The following SYN2 variants were observed in gnomAD, a reference collection of about 807,000 sequenced individuals.
SYN2 encodes the protein synapsin-2.
Under a neutral mutation model 50.9 loss-of-function variants are expected in SYN2, and 19 were observed. That is an observed-to-expected ratio of 0.37 (90% CI 0.26 to 0.55). The LOEUF (loss-of-function observed/expected upper bound fraction) is 0.55. Among genes scored for constraint, SYN2 ranks in the 20% least tolerant of loss-of-function variants. SYN2 has a pLI of 0.81. For synonymous variants in SYN2, 255 were observed against 224.9 expected (o/e 1.13, Z -1.20); for missense variants, 587 against 576.4 (o/e 1.02, Z -0.19).
At chr3:12,082,301 C>A (rs2125175044) in intron 1 of SYN2, among the ~76,000 whole-genome samples, 1 of 152,306 alleles carries the variant, frequency 6.6e-6, no homozygotes, top group Admixed American at 6.5e-5. Flanking sequence ...CACATGGACA[C>A]CCTCTGCCTA....
chr3:12,049,068 C>CTTCT (rs1199575026), intron 1 of SYN2, among the ~76,000 whole-genome samples: 5 of 152,116 alleles, frequency 3.3e-5, no homozygotes, highest in Admixed American at 2.6e-4. Context: ...TACATGGACC[C>CTTCT]TTCTTTCTCA....
intron 1 of SYN2, among the ~76,000 whole-genome samples, chr3:12,119,878 C>G (rs1033907554): frequency 1.3e-5 from 2 of 152,140 alleles, no homozygotes; most frequent in Non-Finnish European, 2.9e-5. Context: ...AGTGTCAACC[C>G]CAATGATCTC....
At chr3:12,070,395 G>A (rs570100110) in intron 1 of SYN2, 1 of 531,110 alleles carries the variant, frequency 1.9e-6, no homozygotes, top group Admixed American at 2.0e-5. Context: ...TGGGTGATGA[G>A]GCCCAGAGCA....
At chr3:12,071,924 T>C (rs1284064673) in intron 1 of SYN2, among the ~76,000 whole-genome samples, 1 of 152,242 alleles carries the variant, frequency 6.6e-6, no homozygotes, top group Non-Finnish European at 1.5e-5. Flanking sequence ...TTTGTATTGA[T>C]ACCTGTAAAT....
intron 1 of SYN2, among the ~76,000 whole-genome samples, chr3:12,038,753 A>C (rs560529893): frequency 5.1e-4 from 78 of 152,126 alleles, no homozygotes; most frequent in African/African-American, 1.9e-3. Flanking sequence ...TTGTATATTG[A>C]TTGTGTATCC....
chr3:12,187,092 AGTGCGCCTCTGACGG>A (rs1698356701), intron 11 of SYN2, among the ~76,000 whole-genome samples: 1 of 152,210 alleles, frequency 6.6e-6, no homozygotes, highest in Admixed American at 6.5e-5. Flanking sequence ...TCTGTGAGAG[AGTGCGCCTCTGACGG>A]GGCCGCTCGT....
At chr3:12,070,707 TG>T in intron 1 of SYN2, 2 of 1,014,420 alleles carry the variant, frequency 2.0e-6, no homozygotes, top group Non-Finnish European at 2.9e-6. Flanking sequence ...ACCCTGGAGA[TG>T]GGGTCACTCA....
intron 1 of SYN2, among the ~76,000 whole-genome samples, chr3:12,104,570 CTTT>C (rs796837275): frequency 1.0e-3 from 82 of 81,722 alleles, no homozygotes; most frequent in African/African-American, 3.8e-3. Flanking sequence ...CTTTTCTTTT[CTTT>C]TTTTTTTTTT....
chr3:12,038,377 TA>T (rs550261284), intron 1 of SYN2, among the ~76,000 whole-genome samples: 12 of 152,132 alleles, frequency 7.9e-5, no homozygotes, highest in Admixed American at 6.5e-4. Flanking sequence ...TGTTGTTTTT[TA>T]AAAAAAAACT....
chr3:12,126,178 G>A (rs1346133981), intron 1 of SYN2, among the ~76,000 whole-genome samples: 1 of 152,228 alleles, frequency 6.6e-6, no homozygotes, highest in African/African-American at 2.4e-5. Flanking sequence ...AGAGAGTACT[G>A]TCAAGGTTTC....
intron 1 of SYN2, among the ~76,000 whole-genome samples, chr3:12,087,849 AAAT>A (rs1181434490): frequency 1.3e-5 from 2 of 152,192 alleles, no homozygotes; most frequent in African/African-American, 4.8e-5. Context: ...TCTCTTCAAT[AAAT>A]GGTGTTGGGA....
intron 1 of SYN2, among the ~76,000 whole-genome samples, chr3:12,024,102 A>G (rs1574892792): frequency 2.0e-5 from 3 of 151,214 alleles, no homozygotes; most frequent in Admixed American, 2.0e-4. Flanking sequence ...TGAGATATGC[A>G]TGCAACATTA....
intron 1 of SYN2, among the ~76,000 whole-genome samples, chr3:12,116,372 A>C (rs1045933845): frequency 6.6e-5 from 10 of 152,170 alleles, no homozygotes; most frequent in African/African-American, 2.4e-4. Flanking sequence ...AGGAAAAGGA[A>C]AAGGTTGCCC....
At chr3:12,134,871 T>A (rs903019675) in intron 1 of SYN2, among the ~76,000 whole-genome samples, 4 of 152,242 alleles carry the variant, frequency 2.6e-5, no homozygotes, top group African/African-American at 9.6e-5. Context: ...CCCATGTAGA[T>A]ATTGGCGTCC....
intron 5 of SYN2, chr3:12,157,558 T>A (rs1697495255): frequency 3.4e-6 from 5 of 1,453,312 alleles, no homozygotes; most frequent in Non-Finnish European, 4.8e-6. Context: ...TGATCCAGGG[T>A]CCATGAAGAA....
chr3:12,015,245 G>A (rs2125132525), intron 1 of SYN2, among the ~76,000 whole-genome samples: 1 of 152,280 alleles, frequency 6.6e-6, no homozygotes, highest in East Asian at 1.9e-4. Flanking sequence ...TTCCATTTGT[G>A]TTAGAAACCA....
At chr3:12,091,199 A>G (rs1463881965) in intron 1 of SYN2, among the ~76,000 whole-genome samples, 6 of 152,172 alleles carry the variant, frequency 3.9e-5, no homozygotes, top group African/African-American at 1.4e-4. Flanking sequence ...CTATATACTA[A>G]GAACAATCAT....
At chr3:12,051,682 T>G (rs73813113) in intron 1 of SYN2, among the ~76,000 whole-genome samples, 13,762 of 152,232 alleles carry the variant, frequency 0.09, 2,043 homozygotes, top group African/African-American at 0.31. Context: ...CAGGCTTATT[T>G]CTGGATCAGC....
intron 5 of SYN2, among the ~76,000 whole-genome samples, chr3:12,151,723 GGTACAGA>G: frequency 6.6e-6 from 1 of 152,144 alleles, no homozygotes; most frequent in Non-Finnish European, 1.5e-5. Context: ...ATTCTAATAT[GGTACAGA>G]CACAATTTAA....
Sources: gnomAD v4.1 joint callset for allele counts (sites outside exome capture counted in the v4.1 genomes callset) on GRCh38, gnomAD v4.1.1 for gene constraint, MANE v1.5 for transcripts, NCBI Gene and HGNC (gene_info 2026-07-23, HGNC 2026-07-21) for gene names.